EHMT1: variants seen among roughly 807,000 people sequenced by gnomAD.
EHMT1 encodes the protein histone-lysine N-methyltransferase EHMT1.
Under a neutral mutation model 147.2 loss-of-function variants are expected in EHMT1, and 15 were observed. That is an observed-to-expected ratio of 0.10 (90% confidence interval 0.07 to 0.16). The LOEUF (loss-of-function observed/expected upper bound fraction) is 0.16, where lower values mean the gene tolerates loss of function less well. Among genes scored for constraint, EHMT1 ranks in the 10% least tolerant of loss-of-function variants. The pLI, the probability that EHMT1 is intolerant of heterozygous loss-of-function variation, is 1.00. For synonymous variants in EHMT1, 795 were observed against 709.6 expected (o/e 1.12, Z -1.91); for missense variants, 1,587 against 1,772.4 (o/e 0.90, Z 1.88).
rs114886060 is a variant in EHMT1 at position 137,695,100 on chromosome 9, T to G, written c.22-15867T>G. On this transcript the variant is annotated intron_variant, in intron 1 of 26. Coordinates refer to ENST00000460843, the MANE Select transcript of EHMT1 (RefSeq NM_024757.5). ...TTGGCTGATGGGAATTTGGAGTTTT[T>G]GGGGTTTTTGCAGGCAGGTGCTCAC... Among the ~76,000 whole-genome samples the G allele has an allele frequency of 3.5e-3, 537 of 152,342 alleles. 3 individuals are homozygous for G. Among genetic ancestry groups the G allele is most frequent in the African/African-American group, 0.012 (507 of 41,590 alleles).
chr9:137,654,456 T>G (rs1938220492), intron 1 of EHMT1, among the ~76,000 whole-genome samples: 1 of 151,198 alleles, frequency 6.6e-6, no homozygotes, highest in Admixed American at 6.6e-5. Context: ...CTTTCAGTTC[T>G]CTTCCATTGA....
intron 18 of EHMT1, 103 bp downstream of exon 18, chr9:137,801,087 C>A (rs546521273): frequency 2.0e-6 from 2 of 981,656 alleles, no homozygotes; most frequent in South Asian, 1.4e-5. Flanking sequence ...CACCTGGTGG[C>A]GGCTTTGACC....
intron 4 of EHMT1, among the ~76,000 whole-genome samples, chr9:137,729,909 A>G (rs1158959212): frequency 6.6e-6 from 1 of 152,178 alleles, no homozygotes; most frequent in Admixed American, 6.5e-5. Flanking sequence ...CCTGTTCCGC[A>G]TTTCCCATTC....
Position 137,619,047 on chromosome 9 carries a change from G to T in EHMT1, c.19G>T (p.Glu7Ter). 2.1e-6 allele frequency: 2 copies of T among 953,680 alleles called. No homozygotes were observed. The highest frequency in any genetic ancestry group is 2.5e-6 in the Non-Finnish European group (2 of 803,356). The allele number at this position is 953,680 out of a possible 1,614,324, so 59.1% of individuals were successfully genotyped here. ...CCGGGCCATGGCCGCCGCCGATGCC[G>T]AGGTGAGCAGCGGGGCCGGCGGGGG... is the stretch of plus-strand genomic sequence containing the variant. MAAADA[E>*]AVPARGEPQQ... Residue 7 changes from glutamate to a stop codon, truncating the protein, a stop_gained and splice_region_variant, in exon 1 of 27, where the codon GAG becomes TAG. Transcript: ENST00000460843. LOFTEE classifies it high-confidence loss of function.
intron 1 of EHMT1, among the ~76,000 whole-genome samples, chr9:137,707,600 T>C (rs1158499871): frequency 1.3e-5 from 2 of 152,238 alleles, no homozygotes; most frequent in African/African-American, 4.8e-5. Flanking sequence ...GATTCCTGAG[T>C]GCAGTTGAAT....
intron 10 of EHMT1, among the ~76,000 whole-genome samples, chr9:137,773,931 C>G (rs1440810509): frequency 1.3e-5 from 2 of 152,180 alleles, no homozygotes; most frequent in Non-Finnish European, 2.9e-5. Context: ...ACCTGTAAGG[C>G]TTTGTCTGGT....
At chr9:137,678,044 G>T (rs4979654) in intron 1 of EHMT1, among the ~76,000 whole-genome samples, 27,482 of 152,070 alleles carry the variant, frequency 0.18, 2,724 homozygotes, top group Admixed American at 0.31. Flanking sequence ...ACTCCAGCCT[G>T]GGCGACAGAG....
chr9:137,800,776 G>A, intron 17 of EHMT1, 104 bp from the exon 18 acceptor site: 3 of 952,110 alleles, frequency 3.2e-6, no homozygotes, highest in Admixed American at 1.9e-5. Flanking sequence ...CTGCACGAGG[G>A]GCATGGTACC....
intron 14 of EHMT1, among the ~76,000 whole-genome samples, chr9:137,781,092 G>GTGACGACGCCGA (rs1564748322): frequency 3.1e-3 from 50 of 16,336 alleles, no homozygotes; most frequent in East Asian, 0.012. Context: ...GATGACGCTG[G>GTGACGACGCCGA]GATGTGTGGT....
intron 3 of EHMT1, among the ~76,000 whole-genome samples, chr9:137,718,842 G>A (rs904741346): frequency 6.9e-6 from 1 of 145,676 alleles, no homozygotes; most frequent in African/African-American, 2.6e-5. Flanking sequence ...TATAACCCCC[G>A]CCTCCCAGGT....
chr9:137,627,334 C>G (rs1224797841), intron 1 of EHMT1, among the ~76,000 whole-genome samples: 2 of 148,620 alleles, frequency 1.3e-5, no homozygotes, highest in Non-Finnish European at 3.0e-5. Flanking sequence ...GTGATCTTGG[C>G]TCACTGCAAC....
At chr9:137,642,861 T>C (rs1291766320) in intron 1 of EHMT1, among the ~76,000 whole-genome samples, 1 of 152,190 alleles carries the variant, frequency 6.6e-6, no homozygotes, top group Admixed American at 6.5e-5. Flanking sequence ...GTAGCTGCTT[T>C]TACTGGCGCT....
intron 6 of EHMT1, 66 bp from the exon 7 acceptor site, chr9:137,752,265 C>T: frequency 6.4e-7 from 1 of 1,555,536 alleles, no homozygotes; most frequent in Non-Finnish European, 8.8e-7. Context: ...CGTCATCTGC[C>T]ACTAAAGGAT....
At chr9:137,749,252 G>C (rs1029116149) in intron 6 of EHMT1, among the ~76,000 whole-genome samples, 3 of 152,094 alleles carry the variant, frequency 2.0e-5, no homozygotes, top group African/African-American at 7.2e-5. Context: ...ACCTGCATCA[G>C]ACTCTAAGTT....
intron 8 of EHMT1, among the ~76,000 whole-genome samples, chr9:137,754,796 T>C (rs1255732277): frequency 6.6e-6 from 1 of 152,114 alleles, no homozygotes. Context: ...GGATTACAGG[T>C]GTGAGCCACT....
chr9:137,695,758 C>T lies in EHMT1; in HGVS notation c.22-15209C>T, dbSNP rs963284196. ...CAAGGCAGAGCTGGGTTGAGGCCGC[C>T]GTCTGTGTCATGGGCTGCCACTTCA... On this transcript the variant is annotated intron_variant, in intron 1 of 26. Transcript: ENST00000460843. 3.0e-4 allele frequency among the ~76,000 whole-genome samples: 45 copies of T among 152,328 alleles called. 1 individual carries two copies. Among genetic ancestry groups the T allele is most frequent in the African/African-American group, 1.1e-3 (44 of 41,568 alleles).
intron 1 of EHMT1, among the ~76,000 whole-genome samples, chr9:137,631,123 G>A (rs539473715): frequency 6.6e-6 from 1 of 152,124 alleles, no homozygotes; most frequent in Non-Finnish European, 1.5e-5. Flanking sequence ...GGTGGCTTAT[G>A]CCTGTAATCC....
intron 1 of EHMT1, among the ~76,000 whole-genome samples, chr9:137,670,491 GC>G (rs888525613): frequency 2.6e-5 from 4 of 152,072 alleles, no homozygotes; most frequent in Non-Finnish European, 5.9e-5. Context: ...GGTGTCCTGT[GC>G]CCACGTGCGA....
intron 3 of EHMT1, among the ~76,000 whole-genome samples, chr9:137,719,572 C>G (rs1046540916): frequency 3.3e-5 from 5 of 152,206 alleles, no homozygotes; most frequent in Non-Finnish European, 5.9e-5. Context: ...CATGGCAAAG[C>G]TTTAGAAAAT....
Sources: gnomAD v4.1 joint callset for allele counts (sites outside exome capture counted in the v4.1 genomes callset) on GRCh38, gnomAD v4.1.1 for gene constraint, MANE v1.5 for transcripts, NCBI Gene and HGNC (gene_info 2026-07-23, HGNC 2026-07-21) for gene names.